The following YEATS2 variants were observed in gnomAD, a reference collection of about 807,000 sequenced individuals.
YEATS2 encodes YEATS domain containing 2, also known as YEATS domain-containing protein 2.
A neutral mutation model predicts 163.2 loss-of-function variants in YEATS2; 77 were observed. The ratio of observed to expected loss-of-function variants is 0.47; its 90% CI spans 0.39 to 0.57. YEATS2 has a LOEUF of 0.57. Ranked by LOEUF, YEATS2 falls within the 20% of genes least tolerant of loss-of-function variation. YEATS2 has a pLI of 0.00. For synonymous variants in YEATS2, 631 were observed against 645.1 expected (o/e 0.98, Z 0.33); for missense variants, 1,549 against 1,729.8 (o/e 0.90, Z 1.85).
chr3:183,776,064 C>T lies in YEATS2; in HGVS notation c.2518C>T (p.Pro840Ser). ...AGGAGGAACTCAAAGTACTGCTGGCCCTGGAGGGATATCTCAGCACCTGAC... is the reference window on the plus strand; with the variant it reads ...AGGAGGAACTCAAAGTACTGCTGGCTCTGGAGGGATATCTCAGCACCTGAC... The part of the protein sequence containing the change: ...AGGGTQSTAG[P>S]GGISQHLTYT... Residue 840 changes from proline to serine, a missense_variant, in exon 18 of 31, where the codon CCT becomes TCT. Physicochemically the swap from Pro to Ser is moderately conservative, Grantham distance 74 (BLOSUM62 -1). Coordinates refer to ENST00000305135, the MANE Select transcript of YEATS2 (RefSeq NM_018023.5). 1.2e-6 allele frequency: 2 copies of T among 1,612,216 alleles called. No individual in the cohort carries two copies. The highest frequency in any genetic ancestry group is 1.7e-6 in the Non-Finnish European group (2 of 1,179,162).
Position 183,808,098 on chromosome 3 carries a change from C to T in YEATS2, c.4080C>T (p.Ile1360=). The T allele has an allele frequency of 1.3e-6, 2 of 1,553,586 alleles. No individual in the cohort carries two copies. The highest frequency in any genetic ancestry group is 1.7e-6 in the Non-Finnish European group (2 of 1,147,700). The change falls in exon 29 of 31, where the codon ATC becomes ATT. Residue 1360 remains isoleucine, a synonymous_variant. Coordinates refer to ENST00000305135, the MANE Select transcript of YEATS2 (RefSeq NM_018023.5). ...ATGCGTCCGTGGTGGAGGACATGAT[C>T]CTGAAGGTGGGTGCCTGCAGGGGCC... ...NVYASVVEDM[I]LKATEQLVND...
chr3:183,708,790 G>A (rs575786229), intron 1 of YEATS2, among the ~76,000 whole-genome samples: 9 of 152,232 alleles, frequency 5.9e-5, no homozygotes, highest in African/African-American at 2.2e-4. Flanking sequence ...CTTGAGCCCA[G>A]GATTCCAAGG....
At chr3:183,758,421 T>C (rs961696195) in intron 12 of YEATS2, among the ~76,000 whole-genome samples, 1 of 152,290 alleles carries the variant, frequency 6.6e-6, no homozygotes, top group African/African-American at 2.4e-5. Flanking sequence ...TGAAACTACT[T>C]TGAAGGAGCT....
At chr3:183,705,252 G>A (rs1245129514) in intron 1 of YEATS2, among the ~76,000 whole-genome samples, 1 of 152,008 alleles carries the variant, frequency 6.6e-6, no homozygotes, top group East Asian at 1.9e-4. Context: ...GTTTCACTGT[G>A]TTGCCCAGGG....
intron 7 of YEATS2, among the ~76,000 whole-genome samples, chr3:183,735,357 G>A (rs1010053520): frequency 3.3e-5 from 5 of 152,202 alleles, no homozygotes; most frequent in African/African-American, 1.2e-4. Flanking sequence ...TTCAGACTAA[G>A]TCTGCCTTCT....
At chr3:183,794,905 C>A (rs1019009271) in intron 21 of YEATS2, among the ~76,000 whole-genome samples, 1 of 151,796 alleles carries the variant, frequency 6.6e-6, no homozygotes, top group Non-Finnish European at 1.5e-5. Context: ...TGCAGTGGCT[C>A]ACGACTGTAA....
intron 4 of YEATS2, among the ~76,000 whole-genome samples, chr3:183,721,590 G>A (rs1716496692): frequency 6.6e-6 from 1 of 152,162 alleles, no homozygotes; most frequent in East Asian, 1.9e-4. Context: ...AGCAATGTGA[G>A]ACTTTTAAAG....
intron 13 of YEATS2, among the ~76,000 whole-genome samples, chr3:183,760,479 C>A (rs1049360713): frequency 2.0e-5 from 3 of 152,010 alleles, no homozygotes; most frequent in African/African-American, 7.2e-5. Context: ...ATGCGCCCCA[C>A]GCCCGGATAA....
Position 183,806,938 on chromosome 3 carries a change from G to A in YEATS2, c.3857G>A (p.Arg1286Lys), listed in dbSNP as rs746773467. 1 of 1,614,094 alleles carries A rather than the reference G, an allele frequency of 6.2e-7. No individual in the cohort carries two copies. The highest frequency in any genetic ancestry group is 2.2e-5 in the East Asian group (1 of 44,878). ...GAGGACCTGCAACAGTTCCAGAAAA[G>A]GGAACCCGAGAATGAGGAGGAGGTG... The part of the protein sequence containing the change: ...KLEDLQQFQK[R>K]EPENEEEVDI... The change falls in exon 28 of 31, where the codon AGG (arginine) becomes AAG (lysine). Residue 1286 changes from arginine (R) to lysine (K), a missense_variant. Coordinates refer to ENST00000305135, the MANE Select transcript of YEATS2 (RefSeq NM_018023.5).
intron 1 of YEATS2, among the ~76,000 whole-genome samples, chr3:183,700,882 A>G (rs1714008574): frequency 6.6e-6 from 1 of 151,580 alleles, no homozygotes; most frequent in African/African-American, 2.4e-5. Context: ...AGTAGTTGCC[A>G]GGGGGATGAA....
At chr3:183,804,315 T>C in intron 27 of YEATS2, 127 bp downstream of exon 27, 2 of 1,143,066 alleles carry the variant, frequency 1.7e-6, no homozygotes, top group South Asian at 3.1e-5. Flanking sequence ...TGCCGTGTCC[T>C]TCGTGGGACC....
At position 183,772,517 on chromosome 3, in the gene YEATS2, CCA is replaced by C; in HGVS notation, c.2161_2162del (p.Gln721GlyfsTer25). ...AQPVQTLTKA[Q>X]VTAAGPQKSG... ...AGCCAGTGCAGACCTTAACCAAGGC[CCA>C]GGTTACTGCCGCTGGTCCTCAGAAG... On this transcript the variant is annotated frameshift_variant, in exon 16 of 31. Transcript: ENST00000305135. LOFTEE classifies it high-confidence loss of function. 1 of 1,614,048 alleles carries C rather than the reference CCA, an allele frequency of 6.2e-7. No homozygotes were observed. The highest frequency in any genetic ancestry group is 8.5e-7 in the Non-Finnish European group (1 of 1,180,030).
At position 183,812,298 on chromosome 3, in the gene YEATS2, G is replaced by T. The variant is rs1318725265; in HGVS notation, c.*1715G>T. On this transcript the variant is annotated 3_prime_UTR_variant, in exon 31 of 31. Transcript: ENST00000305135. ...GTACAGAAGGAATCTATTCTCAGCA[G>T]GGCATAGGGCACGCACTGGCTTAAC... 1 of 152,196 alleles carries T rather than the reference G, an allele frequency of 6.6e-6. No individual in the cohort carries two copies. Among genetic ancestry groups the T allele is most frequent in the South Asian group, 2.1e-4 (1 of 4,826 alleles). 9.4% of individuals were successfully genotyped at this position (152,196 alleles called of 1,614,324 possible).
In YEATS2 at chr3:183,776,093, C is replaced by T. The variant is rs773662089; in HGVS notation, c.2547C>T (p.Tyr849=). 9 of 1,599,938 alleles carry T rather than the reference C, an allele frequency of 5.6e-6. No individual in the cohort carries two copies. The East Asian group carries it at 1.8e-4, about 32-fold the overall frequency. ...GPGGISQHLT[Y]TSYILKQTPQ... ...GAGGGATATCTCAGCACCTGACTTA[C>T]ACATCTTACATCCTCAAGCAAACTC... The change falls in exon 18 of 31, where the codon TAC becomes TAT. Residue 849 remains tyrosine (Y), a synonymous_variant. Transcript: ENST00000305135.
intron 10 of YEATS2, 119 bp from the exon 11 acceptor site, chr3:183,754,007 T>A (rs1176207491): frequency 8.1e-7 from 1 of 1,236,090 alleles, no homozygotes; most frequent in Non-Finnish European, 1.1e-6. Flanking sequence ...TTTATTTTGC[T>A]ACCAGTACAT....
chr3:183,786,448 A>C, intron 20 of YEATS2, 147 bp downstream of exon 20: 1 of 775,206 alleles, frequency 1.3e-6, no homozygotes, highest in Non-Finnish European at 2.0e-6. Context: ...CATACCATAA[A>C]AGTCCCCATT....
intron 21 of YEATS2, among the ~76,000 whole-genome samples, chr3:183,792,266 G>T (rs923422284): frequency 1.3e-5 from 2 of 152,068 alleles, no homozygotes; most frequent in Non-Finnish European, 2.9e-5. Flanking sequence ...ACATGCATTA[G>T]GTATTTGTCC....
At chr3:183,720,789 A>G (rs532224455) in intron 4 of YEATS2, among the ~76,000 whole-genome samples, 41 of 152,304 alleles carry the variant, frequency 2.7e-4, no homozygotes, top group Middle Eastern at 3.4e-3. Context: ...CAAGGTGTCA[A>G]CAGGGCAGTG....
intron 19 of YEATS2, among the ~76,000 whole-genome samples, chr3:183,779,367 G>GT: frequency 1.3e-5 from 2 of 152,258 alleles, no homozygotes; most frequent in South Asian, 4.1e-4. Flanking sequence ...ACAGATACAA[G>GT]GCCCTGCAGT....
Sources: gnomAD v4.1 joint callset for allele counts (sites outside exome capture counted in the v4.1 genomes callset) on GRCh38, gnomAD v4.1.1 for gene constraint, MANE v1.5 for transcripts, NCBI Gene and HGNC (gene_info 2026-07-23, HGNC 2026-07-21) for gene names.